Variants in TMEM232 observed in about 807,000 individuals in gnomAD.
TMEM232 encodes the protein transmembrane protein 232.
TMEM232 carries 80 observed loss-of-function variants against 78.8 expected under a neutral mutation model. The ratio of observed to expected loss-of-function variants is 1.01; its 90% CI spans 0.85 to 1.22. TMEM232 has a LOEUF of 1.22. Ranked by LOEUF, TMEM232 falls within the 50% of genes most tolerant of loss-of-function variation. The pLI, the probability that TMEM232 is intolerant of heterozygous loss-of-function variation, is 0.00. For missense variants in TMEM232, 881 were observed against 742.2 expected (o/e 1.19, Z -2.17); for synonymous variants, 297 against 254.3 (o/e 1.17, Z -1.60).
At chr5:110,410,145 C>T (rs1755937613) in intron 2 of TMEM232, among the ~76,000 whole-genome samples, 1 of 152,142 alleles carries the variant, frequency 6.6e-6, no homozygotes, top group Admixed American at 6.5e-5. Flanking sequence ...TAGAATACAG[C>T]CTGCTTTCCT....
chr5:110,399,498 T>G (rs1350480753), intron 2 of TMEM232, among the ~76,000 whole-genome samples: 1 of 152,080 alleles, frequency 6.6e-6, no homozygotes, highest in Admixed American at 6.6e-5. Flanking sequence ...ATTGATTGAT[T>G]TCTTTTTTTA....
chr5:110,608,877 T>TATC (rs1376564260), intron 8 of TMEM232, among the ~76,000 whole-genome samples: 5 of 152,060 alleles, frequency 3.3e-5, no homozygotes, highest in Admixed American at 3.3e-4. Flanking sequence ...AAGTCTCAAG[T>TATC]ATCAGCATAT....
intron 12 of TMEM232, among the ~76,000 whole-genome samples, chr5:110,488,786 A>T (rs530432188): frequency 8.1e-4 from 123 of 152,010 alleles, no homozygotes; most frequent in Non-Finnish European, 1.5e-3. Context: ...TCTTTGAAAG[A>T]TCAGCAAAAA....
chr5:110,477,568 A>C (rs1341146142), intron 12 of TMEM232, among the ~76,000 whole-genome samples: 1 of 151,886 alleles, frequency 6.6e-6, no homozygotes, highest in Non-Finnish European at 1.5e-5. Context: ...TAAATACATC[A>C]ATCACACCGT....
At chr5:110,733,387 T>C (rs988432851) in intron 2 of TMEM232, among the ~76,000 whole-genome samples, 2 of 152,060 alleles carry the variant, frequency 1.3e-5, no homozygotes, top group African/African-American at 4.8e-5. Flanking sequence ...TAAAGACACA[T>C]GCACAGGTAT....
chr5:110,663,749 G>A lies in TMEM232; in HGVS notation c.125+3479C>T, dbSNP rs1036138355. ...AGGAAATGTGTGTGTGTGTGTATGT[G>A]TGTGTGTGTGTGTGTGTGTGTGTGT... On this transcript the variant is annotated intron_variant, in intron 2 of 13. Coordinates refer to ENST00000455884, the MANE Select transcript of TMEM232 (RefSeq NM_001039763.4). 8.9e-3 allele frequency among the ~76,000 whole-genome samples: 1,341 copies of A among 150,332 alleles called. 18 individuals carry two copies. The highest frequency in any genetic ancestry group is 0.031 in the African/African-American group (1,264 of 40,780).
intron 12 of TMEM232, among the ~76,000 whole-genome samples, chr5:110,515,393 G>C (rs1182318328): frequency 6.6e-6 from 1 of 152,124 alleles, no homozygotes; most frequent in Non-Finnish European, 1.5e-5. Context: ...TCCAGGTTCT[G>C]GGCAGCTGGC....
chr5:110,556,973 G>A (rs1775162273), intron 11 of TMEM232, among the ~76,000 whole-genome samples: 1 of 152,084 alleles, frequency 6.6e-6, no homozygotes, highest in African/African-American at 2.4e-5. Flanking sequence ...TGTTTTCCAA[G>A]TTGTTTGTTT....
intron 1 of TMEM232, among the ~76,000 whole-genome samples, chr5:110,700,217 T>C (rs951359618): frequency 2.6e-5 from 4 of 152,022 alleles, no homozygotes; most frequent in Admixed American, 2.6e-4. Context: ...AATGAAACTA[T>C]GCTAGACTAT....
chr5:110,492,072 C>A (rs973636914), intron 12 of TMEM232, among the ~76,000 whole-genome samples: 1 of 151,586 alleles, frequency 6.6e-6, no homozygotes. Context: ...TCCAATTGTA[C>A]AAAAACCTTG....
At chr5:110,617,166 T>C (rs1375218952) in intron 8 of TMEM232, among the ~76,000 whole-genome samples, 1 of 152,124 alleles carries the variant, frequency 6.6e-6, no homozygotes, top group Admixed American at 6.6e-5. Flanking sequence ...GAAATAAGCA[T>C]AGTACAGAAA....
At position 110,639,015 on chromosome 5, in the gene TMEM232, T is replaced by C. The variant is rs1375724123; in HGVS notation, c.344-660A>G. ...AGCTTCTCAAATCATTACAAAAGTT[T>C]TGAGGAGCTTCCATGTAAATATATG... On this transcript the variant is annotated intron_variant, in intron 4 of 13. Coordinates refer to ENST00000455884, the MANE Select transcript of TMEM232 (RefSeq NM_001039763.4). Among the ~76,000 whole-genome samples, 4 of 152,100 alleles carry C rather than the reference T, an allele frequency of 2.6e-5. No individual in the cohort carries two copies. The East Asian group carries it at 7.7e-4, about 29-fold the overall frequency.
Position 110,401,756 on chromosome 5 carries a change from A to C in TMEM232, n.309-3902T>G, listed in dbSNP as rs1353380149. Among the ~76,000 whole-genome samples, 5 of 152,244 alleles carry C rather than the reference A, an allele frequency of 3.3e-5. No individual in the cohort carries two copies. In the East Asian group the frequency reaches 9.7e-4, roughly 29 times the overall value. Reference sequence around the variant, plus strand: ...TATACTTTTAATTGAATTAACTGCCAATATGTAATAAATAGATTATTATAC... The same window carrying C: ...TATACTTTTAATTGAATTAACTGCCCATATGTAATAAATAGATTATTATAC... On this transcript the variant is annotated intron_variant and non_coding_transcript_variant, in intron 2 of 8. Transcript: ENST00000507188.
intron 12 of TMEM232, chr5:110,430,218 C>G (rs944701985): frequency 1.3e-5 from 2 of 151,554 alleles, no homozygotes; most frequent in East Asian, 3.9e-4. Context: ...ATTAAATTAA[C>G]TTTCTTTTTA....
intron 11 of TMEM232, among the ~76,000 whole-genome samples, chr5:110,561,315 A>G (rs1009771893): frequency 2.6e-5 from 4 of 152,066 alleles, no homozygotes; most frequent in African/African-American, 9.7e-5. Flanking sequence ...TGCAATAAAA[A>G]AACAAAACTG....
chr5:110,681,687 A>G (rs188080266), intron 1 of TMEM232, among the ~76,000 whole-genome samples: 1 of 152,340 alleles, frequency 6.6e-6, no homozygotes, highest in East Asian at 1.9e-4. Context: ...GCCAGAAGAG[A>G]TTAGCAAAAA....
At chr5:110,660,845 G>A (rs1408024425) in intron 2 of TMEM232, among the ~76,000 whole-genome samples, 1 of 152,016 alleles carries the variant, frequency 6.6e-6, no homozygotes, top group Non-Finnish European at 1.5e-5. Flanking sequence ...TAGGAACATT[G>A]CAATACCACT....
chr5:110,738,609 A>C (rs952560370), upstream of TMEM232: 2 of 194,814 alleles, frequency 1.0e-5, no homozygotes, highest in African/African-American at 4.8e-5. Context: ...TTAACCCTCC[A>C]CAACTCCAAC....
Position 110,661,528 on chromosome 5 carries a change from T to C in TMEM232, c.125+5700A>G, listed in dbSNP as rs1561472712. On this transcript the variant is annotated intron_variant, in intron 2 of 13. Transcript: ENST00000455884. ...GGTTTTGCCATGTTACCCAGGCTGGTCTCAAACTCCTGGGCTCAAGCAATC... is the reference window on the plus strand; with the variant it reads ...GGTTTTGCCATGTTACCCAGGCTGGCCTCAAACTCCTGGGCTCAAGCAATC... Among the ~76,000 whole-genome samples, 8 of 152,124 alleles carry C rather than the reference T, an allele frequency of 5.3e-5. No homozygotes were observed. In the South Asian group the frequency reaches 1.7e-3, roughly 32 times the overall value.
Sources: gnomAD v4.1 joint callset for allele counts (sites outside exome capture counted in the v4.1 genomes callset) on GRCh38, gnomAD v4.1.1 for gene constraint, MANE v1.5 for transcripts, NCBI Gene and HGNC (gene_info 2026-07-23, HGNC 2026-07-21) for gene names.